KLHL32: variants seen among roughly 807,000 people sequenced by gnomAD.
KLHL32 encodes kelch like family member 32.
KLHL32 carries 35 observed loss-of-function variants against 64.8 expected under a neutral mutation model. The observed-to-expected ratio is 0.54, with a 90% CI of 0.41 to 0.72. The LOEUF (loss-of-function observed/expected upper bound fraction) is 0.72. Ranked by LOEUF, KLHL32 falls within the 30% of genes least tolerant of loss-of-function variation. The probability of loss-of-function intolerance (pLI) is 0.00; values close to 1 mark genes in which losing one functional copy is unlikely to be tolerated. For synonymous variants in KLHL32, 259 were observed against 281.0 expected, an observed-to-expected ratio of 0.92 and a Z score of 0.78; for missense variants, 589 against 768.5, an observed-to-expected ratio of 0.77 and a Z score of 2.76.
chr6:97,058,647 A>G (rs1462942093), intron 4 of KLHL32, among the ~76,000 whole-genome samples: 2 of 152,220 alleles, frequency 1.3e-5, no homozygotes, highest in Non-Finnish European at 2.9e-5. Flanking sequence ...AGTGTTTGTA[A>G]GAAATCTATT....
intron 5 of KLHL32, among the ~76,000 whole-genome samples, chr6:97,068,986 G>A (rs897594185): frequency 3.3e-5 from 5 of 152,210 alleles, no homozygotes; most frequent in Non-Finnish European, 5.9e-5. Context: ...GGGACGCAAG[G>A]GCGATAGGTA....
At chr6:96,974,222 C>T (rs532032142) in intron 2 of KLHL32, among the ~76,000 whole-genome samples, 21 of 152,208 alleles carry the variant, frequency 1.4e-4, no homozygotes, top group African/African-American at 5.1e-4. Context: ...TCATGGGACA[C>T]GGTAAGCACT....
chr6:96,919,779 A>G (rs1768693852), upstream of KLHL32, among the ~76,000 whole-genome samples: 1 of 152,252 alleles, frequency 6.6e-6, no homozygotes, highest in Non-Finnish European at 1.5e-5. Context: ...TAAAAGAGCC[A>G]CATCATCCCC....
At chr6:97,097,418 C>G (rs775728499) in intron 6 of KLHL32, among the ~76,000 whole-genome samples, 1 of 152,124 alleles carries the variant, frequency 6.6e-6, no homozygotes, top group African/African-American at 2.4e-5. Context: ...GGGCATCAGA[C>G]GGATGTTTAA....
chr6:96,993,588 A>G (rs117751303), intron 3 of KLHL32, among the ~76,000 whole-genome samples: 3,668 of 152,314 alleles, frequency 0.024, 52 homozygotes, highest in Non-Finnish European at 0.037. Flanking sequence ...AGACACAAGT[A>G]GGGGAACATT....
chr6:97,025,775 C>T (rs1349072386), intron 3 of KLHL32, among the ~76,000 whole-genome samples: 1 of 152,176 alleles, frequency 6.6e-6, no homozygotes, highest in African/African-American at 2.4e-5. Context: ...GAACCGTTTG[C>T]TTAATTTCAC....
intron 4 of KLHL32, among the ~76,000 whole-genome samples, chr6:97,046,614 T>A (rs1382871693): frequency 1.3e-5 from 2 of 152,148 alleles, no homozygotes; most frequent in African/African-American, 4.8e-5. Flanking sequence ...TCCAAGAAAG[T>A]TTGGTTCTGA....
rs545470161 is a variant in KLHL32 at position 96,937,711 on chromosome 6, G to A, written c.-66+12685G>A. Among the ~76,000 whole-genome samples, 19 of 152,074 alleles carry A rather than the reference G, an allele frequency of 1.2e-4. No homozygotes were observed. In the East Asian group the frequency reaches 3.1e-3, roughly 25 times the overall value. ...TCAGCCTCTCCTTCCACTTCCTCCCGTGTCCCCCTCTACCCTCCATCCTCA... is the reference window on the plus strand; with the variant it reads ...TCAGCCTCTCCTTCCACTTCCTCCCATGTCCCCCTCTACCCTCCATCCTCA... On this transcript the variant is annotated intron_variant, in intron 1 of 10. Transcript: ENST00000369261.
intron 3 of KLHL32, among the ~76,000 whole-genome samples, chr6:96,994,990 A>G (rs1346933751): frequency 6.6e-6 from 1 of 152,216 alleles, no homozygotes; most frequent in Non-Finnish European, 1.5e-5. Context: ...CACTATTTTA[A>G]TAAATGTTTG....
intron 1 of KLHL32, among the ~76,000 whole-genome samples, chr6:96,935,532 A>C (rs1023633570): frequency 6.6e-6 from 1 of 152,326 alleles, no homozygotes; most frequent in Admixed American, 6.5e-5. Flanking sequence ...ACTAACTGTG[A>C]AACCGCGTCT....
intron 6 of KLHL32, among the ~76,000 whole-genome samples, chr6:97,103,460 G>A (rs370267949): frequency 1.4e-4 from 22 of 152,194 alleles, no homozygotes; most frequent in South Asian, 1.2e-3. Flanking sequence ...TGATCTGCCC[G>A]CCTTGGCCTC....
At chr6:97,014,504 A>G (rs1417244905) in intron 3 of KLHL32, among the ~76,000 whole-genome samples, 2 of 152,184 alleles carry the variant, frequency 1.3e-5, no homozygotes, top group Non-Finnish European at 2.9e-5. Flanking sequence ...CAAGAATACT[A>G]CAATAGTGAA....
intron 3 of KLHL32, among the ~76,000 whole-genome samples, chr6:96,999,762 A>G (rs891903270): frequency 6.6e-6 from 1 of 152,194 alleles, no homozygotes; most frequent in African/African-American, 2.4e-5. Flanking sequence ...TCCTGAATAA[A>G]TGTGCTTCTT....
intron 10 of KLHL32, among the ~76,000 whole-genome samples, chr6:97,134,717 T>C (rs1167886286): frequency 1.3e-5 from 2 of 152,142 alleles, no homozygotes; most frequent in East Asian, 3.9e-4. Context: ...TTAGTGGAAA[T>C]CATAACATAA....
intron 7 of KLHL32, among the ~76,000 whole-genome samples, chr6:97,122,061 A>C (rs1351170111): frequency 6.6e-6 from 1 of 152,216 alleles, no homozygotes; most frequent in Non-Finnish European, 1.5e-5. Context: ...GAGATTATAA[A>C]GGGCAGGTGA....
intron 8 of KLHL32, among the ~76,000 whole-genome samples, chr6:97,128,121 C>T (rs1291198391): frequency 6.6e-6 from 1 of 152,052 alleles, no homozygotes; most frequent in Non-Finnish European, 1.5e-5. Context: ...GACGGTATTC[C>T]AAAATGATTT....
intron 3 of KLHL32, among the ~76,000 whole-genome samples, chr6:97,022,931 G>A (rs997991266): frequency 6.6e-6 from 1 of 152,186 alleles, no homozygotes; most frequent in East Asian, 1.9e-4. Context: ...GGCATAAGGC[G>A]AAGAGGAGGC....
At chr6:97,087,889 C>T (rs1176636763) in intron 6 of KLHL32, among the ~76,000 whole-genome samples, 1 of 152,196 alleles carries the variant, frequency 6.6e-6, no homozygotes, top group Non-Finnish European at 1.5e-5. Flanking sequence ...GTTCCTTACC[C>T]AAGCCCTTTC....
intron 1 of KLHL32, among the ~76,000 whole-genome samples, chr6:96,932,716 A>T (rs1297833878): frequency 6.6e-6 from 1 of 151,918 alleles, no homozygotes; most frequent in Non-Finnish European, 1.5e-5. Flanking sequence ...ATAGGTGTGT[A>T]TCACCACACC....
Sources: allele counts gnomAD v4.1 joint callset (sites outside exome capture counted in the v4.1 genomes callset), GRCh38; gene constraint gnomAD v4.1.1; transcripts MANE v1.5; gene names NCBI Gene and HGNC (gene_info 2026-07-23, HGNC 2026-07-21).